Variants in TSNAXIP1 observed in about 807,000 individuals in gnomAD.
TSNAXIP1 encodes the protein translin associated factor X interacting protein 1.
In TSNAXIP1, 89 loss-of-function variants were observed where a neutral mutation model predicts 84.8. The ratio of observed to expected loss-of-function variants is 1.05; its 90% CI spans 0.88 to 1.25. The LOEUF (loss-of-function observed/expected upper bound fraction) is 1.25. Ranked by LOEUF, TSNAXIP1 falls within the 50% of genes most tolerant of loss-of-function variation. The pLI, the probability that TSNAXIP1 is intolerant of heterozygous loss-of-function variation, is 0.00. For synonymous variants in TSNAXIP1, 347 were observed against 335.2 expected (o/e 1.04, Z -0.39); for missense variants, 874 against 887.6 (o/e 0.98, Z 0.20).
intron 2 of TSNAXIP1, among the ~76,000 whole-genome samples, chr16:67,817,627 C>T (rs1163190659): frequency 1.3e-5 from 2 of 149,658 alleles, no homozygotes; most frequent in African/African-American, 4.9e-5. Flanking sequence ...CGCGGTGGCT[C>T]ACGCCTGTAA....
In TSNAXIP1 at chr16:67,825,591, AG is replaced by A. The variant is rs1350841955; in HGVS notation, c.815-74del. 15 of 1,529,554 alleles carry A rather than the reference AG, an allele frequency of 9.8e-6. No homozygotes were observed. In the Admixed American group the frequency reaches 1.0e-4, roughly 11 times the overall value. 94.7% of individuals were successfully genotyped at this position (1,529,554 alleles called of 1,614,324 possible). ...GGGCAAGAACCAGGGAACCCCAAAC[AG>A]GAAGGGCAGAGGGCTTCAGGCAACC... On this transcript the variant is annotated intron_variant, in intron 7 of 15. Transcript: ENST00000561639.
At chr16:67,822,694 A>C (rs2057158165) in intron 4 of TSNAXIP1, among the ~76,000 whole-genome samples, 1 of 152,232 alleles carries the variant, frequency 6.6e-6, no homozygotes. Flanking sequence ...TTAGTCATTG[A>C]CTAAAGCATT....
rs763903435 is a variant in TSNAXIP1, at chr16:67,823,607, G to T, written c.388-19G>T. On this transcript the variant is annotated intron_variant, in intron 4 of 15. Transcript: ENST00000561639. ...GGCAGCTGTGGGCTAGGAGATGATG[G>T]GTTCCCTTTTCTTGCCAGCCTTACA... 21 of 1,607,182 alleles carry T rather than the reference G, an allele frequency of 1.3e-5. No homozygotes were observed. The African/African-American group carries it at 2.3e-4, about 17-fold the overall frequency.
chr16:67,820,822 C>A lies in TSNAXIP1; in HGVS notation c.148-17C>A. 6.6e-7 allele frequency: 1 copy of A among 1,503,774 alleles called. No homozygotes were observed. The highest frequency in any genetic ancestry group is 8.9e-7 in the Non-Finnish European group (1 of 1,122,462). 93.2% of individuals were successfully genotyped at this position (1,503,774 alleles called of 1,614,324 possible). ...GAGCAATGTTGCCATGGCAACCCCA[C>A]CTGTACCTCCCTGCAGACTGGTCAG... On this transcript the variant is annotated splice_polypyrimidine_tract_variant and intron_variant, in intron 2 of 15. Coordinates refer to ENST00000561639, the MANE Select transcript of TSNAXIP1 (RefSeq NM_001288990.3).
intron 2 of TSNAXIP1, among the ~76,000 whole-genome samples, chr16:67,818,352 A>G (rs1353348928): frequency 2.6e-5 from 4 of 152,130 alleles, no homozygotes; most frequent in African/African-American, 7.2e-5. Flanking sequence ...CATCTCTACA[A>G]AAAAGATTTT....
intron 1 of TSNAXIP1, among the ~76,000 whole-genome samples, chr16:67,813,604 G>C (rs2056291918): frequency 6.6e-6 from 1 of 151,404 alleles, no homozygotes; most frequent in Non-Finnish European, 1.5e-5. Context: ...GTGGTGGCAG[G>C]TGCCTGTAAT....
At chr16:67,814,116 G>A (rs545856410) in intron 1 of TSNAXIP1, among the ~76,000 whole-genome samples, 186 bp from the exon 2 acceptor site, 1 of 152,270 alleles carries the variant, frequency 6.6e-6, no homozygotes, top group East Asian at 1.9e-4. Context: ...AATGTTTCTG[G>A]GAATGTAAGC....
At position 67,827,876 on chromosome 16, in the gene TSNAXIP1, AGAG is replaced by A; in HGVS notation, c.2027_2029del (p.Glu676del). ...TCCAGCTCCCTGAGTCGGAAATGCC[AGAG>A]GAGGGTGACGAGAAGGAAGAAGCCG... On this transcript the variant is annotated inframe_deletion, in exon 16 of 16. Transcript: ENST00000561639. 2.5e-6 allele frequency: 4 copies of A among 1,614,120 alleles called. No homozygotes were observed. The highest frequency in any genetic ancestry group is 3.4e-6 in the Non-Finnish European group (4 of 1,180,014).
chr16:67,817,839 TAG>T, intron 2 of TSNAXIP1, among the ~76,000 whole-genome samples: 1 of 151,662 alleles, frequency 6.6e-6, no homozygotes, highest in African/African-American at 2.4e-5. Flanking sequence ...TGAGCCAAGA[TAG>T]TGCCACTGCG....
chr16:67,812,431 G>C (rs1232592232), intron 1 of TSNAXIP1, among the ~76,000 whole-genome samples: 2 of 152,064 alleles, frequency 1.3e-5, no homozygotes, highest in Non-Finnish European at 2.9e-5. Context: ...ACTTTGGAAG[G>C]CTGAGGCGGG....
intron 1 of TSNAXIP1, among the ~76,000 whole-genome samples, chr16:67,809,970 AT>A (rs913373021): frequency 4.0e-5 from 6 of 150,338 alleles, no homozygotes; most frequent in African/African-American, 1.5e-4. Context: ...AATAAATAAA[AT>A]TTAAAAAAAA....
chr16:67,822,105 C>T (rs1476764416), intron 4 of TSNAXIP1, among the ~76,000 whole-genome samples: 2 of 150,794 alleles, frequency 1.3e-5, no homozygotes, highest in South Asian at 4.2e-4. Flanking sequence ...GGTGAAACCC[C>T]GTCTCTACTA....
In TSNAXIP1 at chr16:67,825,267, C is replaced by T. The variant is rs202171637; in HGVS notation, c.809C>T (p.Ser270Leu). The change falls in exon 7 of 16, where the codon TCG (serine) becomes TTG (leucine). Residue 270 changes from serine (S) to leucine (L), a missense_variant. By Grantham distance (145) the Ser-to-Leu change is moderately radical. Transcript: ENST00000561639. Reference protein sequence around the residue: ...YQREDMSLAQSPGIWGEDPVK... With the variant: ...YQREDMSLAQLPGIWGEDPVK... ...CGGGAGGACATGTCATTAGCCCAGT[C>T]GCCAGGTAAGCCTGAATTGGGAATC... The T allele has an allele frequency of 1.5e-4, 249 of 1,613,866 alleles. 1 individual carries two copies. Among genetic ancestry groups the T allele is most frequent in the South Asian group, 2.1e-4 (19 of 91,066 alleles).
chr16:67,807,347 T>C (rs2055537040), intron 1 of TSNAXIP1, 151 bp downstream of exon 1: 1 of 1,533,704 alleles, frequency 6.5e-7, no homozygotes, highest in Admixed American at 2.0e-5. Context: ...AGAATCGGGC[T>C]GATTTAGCCC....
chr16:67,823,591 G>A (rs2057223302), intron 4 of TSNAXIP1, 35 bp from the exon 5 acceptor site: 1 of 1,567,624 alleles, frequency 6.4e-7, no homozygotes, highest in Non-Finnish European at 8.8e-7. Context: ...TGGCAGCTGT[G>A]GGCTAGGAGA....
chr16:67,822,446 C>T (rs2057137518), intron 4 of TSNAXIP1, among the ~76,000 whole-genome samples: 1 of 152,096 alleles, frequency 6.6e-6, no homozygotes, highest in Non-Finnish European at 1.5e-5. Flanking sequence ...CACTGGACAT[C>T]AGTGAACGTA....
intron 1 of TSNAXIP1, among the ~76,000 whole-genome samples, chr16:67,811,566 C>T (rs749969444): frequency 2.6e-5 from 4 of 151,162 alleles, no homozygotes; most frequent in Non-Finnish European, 2.9e-5. Context: ...CTCAGCCTCC[C>T]GAGTAGCTGG....
At position 67,814,185 on chromosome 16, in the gene TSNAXIP1, C is replaced by T. The variant is rs2056352708; in HGVS notation, c.48-117C>T. On this transcript the variant is annotated intron_variant, in intron 1 of 15. Transcript: ENST00000561639. ...GGCAGTGTCTCTGGGAATCCGGAGG[C>T]AGCACCCAGAGCCTGGCTCAGGGAG... 3 of 766,236 alleles carry T rather than the reference C, an allele frequency of 3.9e-6. No homozygotes were observed. In the East Asian group the frequency reaches 8.1e-5, roughly 21 times the overall value. The allele number at this position is 766,236 out of a possible 1,614,324, so 47.5% of individuals were successfully genotyped here. A position where few individuals can be genotyped will look rare whatever the true frequency, so the allele number is the denominator to read the frequency against.
chr16:67,824,659 G>A lies in TSNAXIP1; in HGVS notation c.558G>A (p.Glu186=). Residue 186 remains glutamate, a synonymous_variant, in exon 6 of 16, where the codon GAG becomes GAA. Transcript: ENST00000561639. ...TCACTGTGAATGAGGACTGCAATGA[G>A]AGGATCCTGGCCATGAGAGCTGAGG... ...KLVTVNEDCN[E]RILAMRAEEK... is the part of the protein sequence containing the mutation. 1 of 1,614,194 alleles carries A rather than the reference G, an allele frequency of 6.2e-7. No individual in the cohort carries two copies. The highest frequency in any genetic ancestry group is 8.5e-7 in the Non-Finnish European group (1 of 1,180,030).
Sources: gnomAD v4.1 joint callset for allele counts (sites outside exome capture counted in the v4.1 genomes callset) on GRCh38, gnomAD v4.1.1 for gene constraint, MANE v1.5 for transcripts, NCBI Gene and HGNC (gene_info 2026-07-23, HGNC 2026-07-21) for gene names.